The following RBFOX2 variants were observed in gnomAD, a reference collection of about 807,000 sequenced individuals.
The protein encoded by RBFOX2 is RNA binding protein fox-1 homolog 2.
A neutral mutation model predicts 49.1 loss-of-function variants in RBFOX2; 10 were observed. That is an observed-to-expected ratio of 0.20 (90% CI 0.13 to 0.35). The LOEUF (loss-of-function observed/expected upper bound fraction) is 0.35. Ranked by LOEUF, RBFOX2 falls within the 10% of genes least tolerant of loss-of-function variation. RBFOX2 has a pLI of 1.00. For synonymous variants in RBFOX2, 183 were observed against 187.4 expected (o/e 0.98, Z 0.19); for missense variants, 323 against 486.9 (o/e 0.66, Z 3.17).
chr22:35,828,938 C>T (rs909047187), intron 1 of RBFOX2, among the ~76,000 whole-genome samples: 10 of 152,110 alleles, frequency 6.6e-5, no homozygotes, highest in Non-Finnish European at 1.0e-4. Context: ...GTAATCCCAG[C>T]TACTCGGGAG....
upstream of RBFOX2, among the ~76,000 whole-genome samples, chr22:35,843,659 C>T (rs1392043750): frequency 6.6e-6 from 1 of 152,142 alleles, no homozygotes; most frequent in Non-Finnish European, 1.5e-5. Context: ...TCTTAACTTT[C>T]CTCTTTCCCT....
At chr22:35,962,306 C>G (rs1347910409), upstream of RBFOX2, among the ~76,000 whole-genome samples, 1 of 152,166 alleles carries the variant, frequency 6.6e-6, no homozygotes, top group African/African-American at 2.4e-5. Flanking sequence ...CCTGGAAGCA[C>G]AAATCCTGGG....
intron 1 of RBFOX2, among the ~76,000 whole-genome samples, chr22:35,856,005 T>G (rs1951887173): frequency 6.6e-6 from 1 of 150,416 alleles, no homozygotes; most frequent in Admixed American, 6.6e-5. Context: ...AGACTCTGTC[T>G]CAGGAAGAAA....
At chr22:35,913,662 T>C (rs1241465537) in intron 1 of RBFOX2, among the ~76,000 whole-genome samples, 6 of 151,792 alleles carry the variant, frequency 4.0e-5, no homozygotes, top group South Asian at 2.1e-4. Flanking sequence ...TTTATAGATA[T>C]AGATATCATA....
chr22:35,791,989 T>C (rs1271831497), intron 2 of RBFOX2, among the ~76,000 whole-genome samples: 3 of 152,308 alleles, frequency 2.0e-5, no homozygotes, highest in African/African-American at 7.2e-5. Flanking sequence ...ACATCTGCCA[T>C]GTGAATTACC....
Position 35,878,952 on chromosome 22 carries a change from A to G in RBFOX2, c.-34+59895T>C, listed in dbSNP as rs542067579. ...TCACCATGTTAGCCAGGATGGTCTC[A>G]ATCTCCTGACCTCGTGATCCACCCG... On this transcript the variant is annotated intron_variant, in intron 1 of 13. Coordinates refer to the RBFOX2 transcript ENST00000359369. 4.9e-4 allele frequency among the ~76,000 whole-genome samples: 74 copies of G among 150,716 alleles called. 1 individual carries two copies. The highest frequency in any genetic ancestry group is 3.6e-3 in the South Asian group (17 of 4,742).
At position 35,938,840 on chromosome 22, in the gene RBFOX2, T is replaced by G; in HGVS notation, c.-34+7A>C. 6.2e-7 allele frequency: 1 copy of G among 1,612,498 alleles called. No homozygotes were observed. Among genetic ancestry groups the G allele is most frequent in the Admixed American group, 1.7e-5 (1 of 60,004 alleles). ...CATCATCTGAGTTACAAACAGCAGA[T>G]ACCAACCTGGCTGTCCCGCGCTGGG... is the stretch of plus-strand genomic sequence containing the variant. On this transcript the variant is annotated splice_region_variant and intron_variant, in intron 1 of 13. Coordinates refer to the RBFOX2 transcript ENST00000359369.
upstream of RBFOX2, among the ~76,000 whole-genome samples, chr22:35,943,020 C>A (rs1436863022): frequency 6.6e-6 from 1 of 152,182 alleles, no homozygotes; most frequent in Non-Finnish European, 1.5e-5. Flanking sequence ...GAATTTCAGA[C>A]ACTTTAAGTG....
rs1025186567 is a variant in RBFOX2, at chr22:35,761,059, G to A, written c.754+143C>T. The A allele has an allele frequency of 2.0e-5, 14 of 696,860 alleles. No individual in the cohort carries two copies. The African/African-American group carries it at 2.3e-4, about 12-fold the overall frequency. The allele number at this position is 696,860 out of a possible 1,614,324, so 43.2% of individuals were successfully genotyped here. On this transcript the variant is annotated intron_variant, in intron 8 of 11. Coordinates refer to ENST00000405409, the Ensembl canonical transcript of RBFOX2. ...GAAAATTCTAGCACAGGTTAAGCAG[G>A]ACAGGGCACTGGGATAGTATTTAAT...
intron 1 of RBFOX2, among the ~76,000 whole-genome samples, chr22:35,865,310 A>G (rs1364669911): frequency 1.3e-5 from 2 of 152,140 alleles, no homozygotes; most frequent in African/African-American, 4.8e-5. Context: ...ACACCATATA[A>G]CAGGATTAAA....
intron 1 of RBFOX2, among the ~76,000 whole-genome samples, chr22:35,856,629 GAAA>G (rs796462267): frequency 1.5e-5 from 2 of 135,256 alleles, no homozygotes; most frequent in Non-Finnish European, 3.2e-5. Context: ...GCCAGGAGGG[GAAA>G]AAAAAAAAAA....
intron 1 of RBFOX2, among the ~76,000 whole-genome samples, chr22:35,983,972 TA>T (rs1157556007): frequency 6.6e-6 from 1 of 152,206 alleles, no homozygotes; most frequent in Non-Finnish European, 1.5e-5. Context: ...CATACATTTC[TA>T]AACTGATTCC....
intron 1 of RBFOX2, among the ~76,000 whole-genome samples, chr22:35,925,357 AAAAAT>A (rs1398503113): frequency 6.6e-6 from 1 of 152,160 alleles, no homozygotes; most frequent in African/African-American, 2.4e-5. Flanking sequence ...TGTCTTTACT[AAAAAT>A]AAAACATTAA....
At chr22:35,801,738 T>C (rs1325390153) in intron 2 of RBFOX2, among the ~76,000 whole-genome samples, 2 of 152,094 alleles carry the variant, frequency 1.3e-5, no homozygotes, top group Non-Finnish European at 2.9e-5. Flanking sequence ...GGCAGGAGAA[T>C]CGCTTGAACC....
At chr22:35,982,175 A>C (rs1267496208) in intron 1 of RBFOX2, among the ~76,000 whole-genome samples, 1 of 152,170 alleles carries the variant, frequency 6.6e-6, no homozygotes, top group Non-Finnish European at 1.5e-5. Context: ...TAGGAGCAAG[A>C]AGCAAAGAAA....
chr22:36,002,306 A>G (rs2058458958), intron 1 of RBFOX2, among the ~76,000 whole-genome samples: 1 of 152,230 alleles, frequency 6.6e-6, no homozygotes, highest in Admixed American at 6.5e-5. Flanking sequence ...ACATACAAGC[A>G]GCATTGTTTC....
intron 1 of RBFOX2, among the ~76,000 whole-genome samples, chr22:35,975,489 AAC>A (rs1377144592): frequency 6.6e-6 from 1 of 152,226 alleles, no homozygotes; most frequent in Non-Finnish European, 1.5e-5. Context: ...CAAGAAGCCT[AAC>A]ACAGTGCCTG....
At chr22:35,799,854 TGAGGCAGGAGGACCATCTGAGCCTGG>T (rs570314070) in intron 2 of RBFOX2, among the ~76,000 whole-genome samples, 1 of 152,070 alleles carries the variant, frequency 6.6e-6, no homozygotes, top group East Asian at 1.9e-4. Context: ...TCGTGGCGGC[TGAGGCAGGAGGACCATCTGAGCCTGG>T]GAGGCAGAGG....
chr22:35,901,744 C>G (rs765387430), intron 1 of RBFOX2, among the ~76,000 whole-genome samples: 1 of 152,040 alleles, frequency 6.6e-6, no homozygotes, highest in Non-Finnish European at 1.5e-5. Flanking sequence ...GCTCTTACTC[C>G]CAGTTATTAG....
Sources: gnomAD v4.1 joint callset for allele counts (sites outside exome capture counted in the v4.1 genomes callset) on GRCh38, gnomAD v4.1.1 for gene constraint, MANE v1.5 for transcripts, NCBI Gene and HGNC (gene_info 2026-07-23, HGNC 2026-07-21) for gene names.